TOPORS: variants seen among roughly 807,000 people sequenced by gnomAD.
TOPORS encodes the protein TOP1 binding arginine/serine rich protein, E3 ubiquitin ligase.
A neutral mutation model predicts 81.4 loss-of-function variants in TOPORS; 25 were observed. The observed-to-expected ratio is 0.31, with a 90% CI of 0.22 to 0.43. The LOEUF is 0.43. Among genes scored for constraint, TOPORS ranks in the 20% least tolerant of loss-of-function variants. The pLI, the probability that TOPORS is intolerant of heterozygous loss-of-function variation, is 1.00. For missense variants in TOPORS, 1,101 were observed against 1,267.0 expected (o/e 0.87, Z 1.99); for synonymous variants, 473 against 456.6 (o/e 1.04, Z -0.46).
Position 32,541,614 on chromosome 9 carries a change from G to A in TOPORS, c.2911C>T (p.Leu971Phe), listed in dbSNP as rs1821059830. 1.2e-6 allele frequency: 2 copies of A among 1,614,166 alleles called. No homozygotes were observed. The highest frequency in any genetic ancestry group is 1.7e-6 in the Non-Finnish European group (2 of 1,180,032). ...VLDKECDIAT[L>F]SNNLNNANKT... ...TTGGCATTATTCAAGTTGTTACTAA[G>A]TGTGGCAATATCACATTCCTTGTCC... The change falls in exon 3 of 3, where the codon CTT (leucine) becomes TTT (phenylalanine). Residue 971 changes from leucine to phenylalanine, a missense_variant. By Grantham distance (22) the Leu-to-Phe change is conservative (BLOSUM62 0). Coordinates refer to ENST00000360538, the MANE Select transcript of TOPORS (RefSeq NM_005802.5).
In TOPORS at chr9:32,543,556, C is replaced by T. The variant is rs776028938; in HGVS notation, c.969G>A (p.Met323Ile). 2.5e-6 allele frequency: 4 copies of T among 1,613,856 alleles called. No homozygotes were observed. Among genetic ancestry groups the T allele is most frequent in the East Asian group, 2.2e-5 (1 of 44,876 alleles). ...SLVNIVQHII[M>I]SNVTRYDLES... ...CCAAGTCATAGCGAGTAACATTACT[C>T]ATGATAATATGCTGGACAATATTCA... The change falls in exon 3 of 3, where the codon ATG becomes ATA. Residue 323 changes from methionine (M) to isoleucine (I), a missense_variant. By Grantham distance (10) the Met-to-Ile change is conservative (BLOSUM62 1). Transcript: ENST00000360538. This position sits in a 1 kb window ranked among gnomAD's most constrained non-coding sequence, Gnocchi z 5.6.
chr9:32,552,348 G>C, intron 1 of TOPORS, 86 bp downstream of exon 1: 1 of 1,556,442 alleles, frequency 6.4e-7, no homozygotes, highest in Non-Finnish European at 8.7e-7. Context: ...AAAGATGGCT[G>C]CTGGCGCCTG....
Position 32,543,559 on chromosome 9 carries a change from G to A in TOPORS, c.966C>T (p.Ile322=), listed in dbSNP as rs552853237. ...GSLVNIVQHI[I]MSNVTRYDLE... ...AGTCATAGCGAGTAACATTACTCAT[G>A]ATAATATGCTGGACAATATTCACTA... is the stretch of plus-strand genomic sequence containing the variant. Residue 322 remains isoleucine, a synonymous_variant, in exon 3 of 3, where the codon ATC becomes ATT. Coordinates refer to ENST00000360538, the MANE Select transcript of TOPORS (RefSeq NM_005802.5). The surrounding 1 kb of genome is among the most constrained non-coding windows in gnomAD (Gnocchi z 5.6). The A allele has an allele frequency of 7.4e-6, 12 of 1,613,812 alleles. No homozygotes were observed. The East Asian group carries it at 2.5e-4, about 33-fold the overall frequency.
Position 32,542,760 on chromosome 9 carries a change from G to A in TOPORS, c.1765C>T (p.His589Tyr). The A allele has an allele frequency of 6.2e-7, 1 of 1,613,940 alleles. No homozygotes were observed. Among genetic ancestry groups the A allele is most frequent in the Non-Finnish European group, 8.5e-7 (1 of 1,180,020 alleles). Residue 589 changes from histidine (H) to tyrosine (Y), a missense_variant, in exon 3 of 3, where the codon CAT becomes TAT. By Grantham distance (83) the His-to-Tyr change is moderately conservative. This residue lies in a region of TOPORS where 605 missense variants were observed against 636.1 expected (regional missense o/e 0.95). Transcript: ENST00000360538. ...RGDRVYSPYN[H>Y]RHRKRGRSRS... ...GATCTTCCCCTCTTTCTGTGTCTAT[G>A]GTTATATGGAGAATATACTCTGTCT...
At position 32,543,298 on chromosome 9, in the gene TOPORS, G is replaced by C. The variant is rs2118968223; in HGVS notation, c.1227C>G (p.Ala409=). ...CATCCCATGGTGCCTGACTAACAGT[G>C]GCTACATTAATATCCAGCTCTTGGG... is the stretch of plus-strand genomic sequence containing the variant. The part of the protein sequence containing the change: ...AETQELDINV[A]TVSQAPWDDE... The change falls in exon 3 of 3, where the codon GCC becomes GCG. Residue 409 remains alanine, a synonymous_variant. Coordinates refer to ENST00000360538, the MANE Select transcript of TOPORS (RefSeq NM_005802.5). The surrounding 1 kb of genome is among the most constrained non-coding windows in gnomAD (Gnocchi z 5.6). 1 of 1,614,058 alleles carries C rather than the reference G, an allele frequency of 6.2e-7. No homozygotes were observed. Among genetic ancestry groups the C allele is most frequent in the Non-Finnish European group, 8.5e-7 (1 of 1,180,022 alleles).
At position 32,542,253 on chromosome 9, in the gene TOPORS, C is replaced by T. The variant is rs572840817; in HGVS notation, c.2272G>A (p.Glu758Lys). 1 of 1,614,150 alleles carries T rather than the reference C, an allele frequency of 6.2e-7. No homozygotes were observed. Among genetic ancestry groups the T allele is most frequent in the African/African-American group, 1.3e-5 (1 of 75,018 alleles). ...TNARKKNNHSERKYYYYERHR... is the reference protein window; with the variant it reads ...TNARKKNNHSKRKYYYYERHR... ...CTTTCATAGTAGTAATACTTCCTCT[C>T]ACTGTGATTATTTTTTTTCCTAGCA... Residue 758 changes from glutamate (E) to lysine (K), a missense_variant, in exon 3 of 3, where the codon GAG (glutamate) becomes AAG (lysine). By Grantham distance (56) the Glu-to-Lys change is moderately conservative. This residue lies in a region of TOPORS where 605 missense variants were observed against 636.1 expected (regional missense o/e 0.95). Coordinates refer to ENST00000360538, the MANE Select transcript of TOPORS (RefSeq NM_005802.5).
chr9:32,547,038 AAAAC>A (rs56954545), intron 2 of TOPORS, among the ~76,000 whole-genome samples: 88,800 of 150,948 alleles, frequency 0.59, 26,309 homozygotes, highest in Middle Eastern at 0.68. Context: ...ACCCTGTTTC[AAAAC>A]AAACAAACAA....
At position 32,542,043 on chromosome 9, in the gene TOPORS, A is replaced by G. The variant is rs1355258800; in HGVS notation, c.2482T>C (p.Ser828Pro). The change falls in exon 3 of 3, where the codon TCT (serine) becomes CCT (proline). Residue 828 changes from serine to proline, a missense_variant. Ser to Pro is a moderately conservative substitution (Grantham distance 74). This residue lies in a region of TOPORS where 605 missense variants were observed against 636.1 expected (regional missense o/e 0.95). Transcript: ENST00000360538. The stretch of plus-strand genomic sequence containing the variant: ...TAGTTTCCATCCAATTTTGATGAAG[A>G]TTTTTGGTAATGACTGTCCTTTGCT... ...SKAKDSHYQK[S>P]SSKLDGNYKN... The G allele has an allele frequency of 6.2e-7, 1 of 1,613,902 alleles. No individual in the cohort carries two copies. The highest frequency in any genetic ancestry group is 8.5e-7 in the Non-Finnish European group (1 of 1,180,018).
At chr9:32,550,049 C>T (rs899713327) in intron 2 of TOPORS, among the ~76,000 whole-genome samples, 27 of 152,274 alleles carry the variant, frequency 1.8e-4, no homozygotes, top group African/African-American at 6.5e-4. Context: ...ATGGACAAAA[C>T]CCAGAAAGCT....
At chr9:32,549,834 C>T (rs1587626116) in intron 2 of TOPORS, among the ~76,000 whole-genome samples, 1 of 152,138 alleles carries the variant, frequency 6.6e-6, no homozygotes, top group Non-Finnish European at 1.5e-5. Context: ...AATCACTGTA[C>T]CTCTCTGAAC....
At chr9:32,551,025 A>T in intron 1 of TOPORS, 57 bp from the exon 2 acceptor site, 2 of 1,579,762 alleles carry the variant, frequency 1.3e-6, no homozygotes, top group Middle Eastern at 2.1e-4. Context: ...AGAGAGCGAG[A>T]CCCACCCCCC....
At position 32,543,493 on chromosome 9, in the gene TOPORS, T is replaced by TA; in HGVS notation, c.1031dup (p.Leu344PhefsTer3). On this transcript the variant is annotated frameshift_variant, in exon 3 of 3. Coordinates refer to ENST00000360538, the MANE Select transcript of TOPORS (RefSeq NM_005802.5). LOFTEE classifies it high-confidence loss of function. The surrounding 1 kb of genome is among the most constrained non-coding windows in gnomAD (Gnocchi z 5.6). ...GTATAAAATGCTCAGTTCGATTAAG[T>TA]AAAAATGGTCTTAAATCAGACACAA... is the stretch of plus-strand genomic sequence containing the variant. 6.2e-7 allele frequency: 1 copy of TA among 1,613,836 alleles called. No individual in the cohort carries two copies. Among genetic ancestry groups the TA allele is most frequent in the Non-Finnish European group, 8.5e-7 (1 of 1,179,998 alleles).
chr9:32,543,005 T>G lies in TOPORS; in HGVS notation c.1520A>C (p.Tyr507Ser). The G allele has an allele frequency of 6.2e-7, 1 of 1,614,190 alleles. No individual in the cohort carries two copies. Among genetic ancestry groups the G allele is most frequent in the South Asian group, 1.1e-5 (1 of 91,084 alleles). Reference protein sequence around the residue: ...LSSDSEDLGSYEKMETVKTQE... With the variant: ...LSSDSEDLGSSEKMETVKTQE... The stretch of plus-strand genomic sequence containing the variant: ...TGTCTTCACTGTCTCCATTTTCTCA[T>G]AAGAACCTAAGTCCTCAGAATCAGA... The change falls in exon 3 of 3, where the codon TAT becomes TCT. Residue 507 changes from tyrosine (Y) to serine (S), a missense_variant. Transcript: ENST00000360538. This position sits in a 1 kb window ranked among gnomAD's most constrained non-coding sequence, Gnocchi z 5.6.
rs1008668350 is a variant in TOPORS at position 32,550,963 on chromosome 9, C to T, written c.9G>A (p.Ser3=). 3 of 1,610,294 alleles carry T rather than the reference C, an allele frequency of 1.9e-6. No homozygotes were observed. Among genetic ancestry groups the T allele is most frequent in the Admixed American group, 1.7e-5 (1 of 59,984 alleles). Residue 3 remains serine, a synonymous_variant, in exon 2 of 3, where the codon TCG becomes TCA. Transcript: ENST00000360538. The part of the protein sequence containing the change: MG[S]QPPLGSPLSR... Reference sequence around the variant, plus strand: ...ACAGCGGAGACCCCAGCGGCGGCTGCGACCCCTGTGACGCAAAGGGCTCAT... The same window carrying T: ...ACAGCGGAGACCCCAGCGGCGGCTGTGACCCCTGTGACGCAAAGGGCTCAT...
chr9:32,552,128 C>T (rs1357638284), intron 1 of TOPORS: 5 of 563,784 alleles, frequency 8.9e-6, no homozygotes, highest in Middle Eastern at 2.8e-4. Flanking sequence ...TATTGCATTG[C>T]AACTAGAAAG....
intron 2 of TOPORS, among the ~76,000 whole-genome samples, chr9:32,548,353 G>A (rs1172375533): frequency 1.3e-5 from 2 of 150,790 alleles, no homozygotes; most frequent in African/African-American, 4.9e-5. Flanking sequence ...GAGAAACCCG[G>A]TCTCTACTAA....
Position 32,541,380 on chromosome 9 carries a change from G to T in TOPORS, c.*7C>A, listed in dbSNP as rs758164702. The T allele has an allele frequency of 6.2e-7, 1 of 1,613,520 alleles. No individual in the cohort carries two copies. Among genetic ancestry groups the T allele is most frequent in the South Asian group, 1.1e-5 (1 of 90,990 alleles). ...ATCATAATTCTCAATGAAATGCTTTGGCAGTTTTAAGACATATCACAGTCT... is the reference window on the plus strand; with the variant it reads ...ATCATAATTCTCAATGAAATGCTTTTGCAGTTTTAAGACATATCACAGTCT... On this transcript the variant is annotated 3_prime_UTR_variant, in exon 3 of 3. Coordinates refer to ENST00000360538, the MANE Select transcript of TOPORS (RefSeq NM_005802.5).
intron 2 of TOPORS, 37 bp downstream of exon 2, chr9:32,550,736 TC>T: frequency 6.2e-7 from 1 of 1,610,650 alleles, no homozygotes; most frequent in Non-Finnish European, 8.5e-7. Context: ...CCACGGCCCT[TC>T]CGACCCCCGC....
rs886063853 is a variant in TOPORS at position 32,542,737 on chromosome 9, T to G, written c.1788A>C (p.Arg596Ser). 1.2e-6 allele frequency: 2 copies of G among 1,613,966 alleles called. No homozygotes were observed. Among genetic ancestry groups the G allele is most frequent in the Non-Finnish European group, 1.7e-6 (2 of 1,180,034 alleles). Reference sequence around the variant, plus strand: ...GAGAACGTGAATCTGAACTTCTTGATCTTCCCCTCTTTCTGTGTCTATGGT... The same window carrying G: ...GAGAACGTGAATCTGAACTTCTTGAGCTTCCCCTCTTTCTGTGTCTATGGT... ...PYNHRHRKRGRSRSSDSRSQS... is the reference protein window; with the variant it reads ...PYNHRHRKRGSSRSSDSRSQS... The change falls in exon 3 of 3, where the codon AGA (arginine) becomes AGC (serine). Residue 596 changes from arginine (R) to serine (S), a missense_variant. Arg to Ser is a moderately radical substitution (Grantham distance 110). This residue lies in a region of TOPORS where 605 missense variants were observed against 636.1 expected (regional missense o/e 0.95). Coordinates refer to ENST00000360538, the MANE Select transcript of TOPORS (RefSeq NM_005802.5).
Sources: allele counts gnomAD v4.1 joint callset (sites outside exome capture counted in the v4.1 genomes callset), GRCh38; gene constraint gnomAD v4.1.1; regional missense constraint gnomAD v4.1.1; non-coding constraint Gnocchi (gnomAD v3.1); transcripts MANE v1.5; gene names NCBI Gene and HGNC (gene_info 2026-07-23, HGNC 2026-07-21).